TMEM187: variants seen among roughly 807,000 people sequenced by gnomAD.
The protein encoded by TMEM187 is transmembrane protein 187, also known as chromosome X open reading frame 12.
In TMEM187, 14 loss-of-function variants were observed where a neutral mutation model predicts 11.8. That is an observed-to-expected ratio of 1.18 (90% confidence interval 0.78 to 1.85). The LOEUF (loss-of-function observed/expected upper bound fraction) is 1.85. TMEM187 is among the 40% of genes most tolerant of loss of function. The pLI is 0.00. For missense variants in TMEM187, 227 were observed against 243.9 expected (o/e 0.93, Z 0.46); for synonymous variants, 112 against 118.5 (o/e 0.95, Z 0.36).
At chrX:153,976,832 C>A (rs1179156550) in intron 1 of TMEM187, among the ~76,000 whole-genome samples, 5 of 112,335 alleles carry the variant, frequency 4.5e-5, no homozygotes, top group Non-Finnish European at 9.4e-5. Context: ...CTGCACTCAG[C>A]CTGGGAGACA....
Position 153,982,113 on chromosome X carries a change from C to A in TMEM187, c.51C>A (p.Gly17=). ...QAFVHVAVAG[G]LCAVAVFTGI... is the part of the protein sequence containing the mutation. ...TCGTGCACGTGGCCGTGGCCGGTGG[C>A]CTCTGTGCCGTGGCTGTGTTCACGG... The change falls in exon 2 of 2, where the codon GGC becomes GGA. Residue 17 remains glycine, a synonymous_variant. Coordinates refer to ENST00000369982, the MANE Select transcript of TMEM187 (RefSeq NM_003492.3). 1 of 1,212,564 alleles carries A rather than the reference C, an allele frequency of 8.2e-7. No individual in the cohort carries two copies. The highest frequency in any genetic ancestry group is 1.8e-5 in the South Asian group (1 of 57,066).
At chrX:153,981,018 A>G (rs1450606929) in intron 1 of TMEM187, 5 of 109,354 alleles carry the variant, frequency 4.6e-5, no homozygotes, top group Non-Finnish European at 9.5e-5. Flanking sequence ...ACAGTCTGGC[A>G]TCAGCTGACC....
rs782426347 is a variant in TMEM187 at position 153,982,299 on chromosome X, G to T, written c.237G>T (p.Gly79=). 2.5e-6 allele frequency: 3 copies of T among 1,210,423 alleles called. No homozygotes were observed. The East Asian group carries it at 8.9e-5, about 36-fold the overall frequency. ...GGCTGCACAGGGGCGGCGCGATGGG[G>T]CTGGGTCCCCGCTACCTGAAGGACG... ...LSWLHRGGAM[G]LGPRYLKDVF... The change falls in exon 2 of 2, where the codon GGG becomes GGT. Residue 79 remains glycine (G), a synonymous_variant. Transcript: ENST00000369982.
intron 1 of TMEM187, among the ~76,000 whole-genome samples, chrX:153,977,748 TA>T (rs1161967794): frequency 1.9e-5 from 2 of 103,525 alleles, no homozygotes; most frequent in African/African-American, 3.6e-5. Flanking sequence ...CTGTCTCTAC[TA>T]AAAAAAATAC....
chrX:153,979,223 G>A (rs1438551344), intron 1 of TMEM187, among the ~76,000 whole-genome samples: 6 of 108,885 alleles, frequency 5.5e-5, no homozygotes, highest in Non-Finnish European at 1.1e-4. Context: ...ACTGCGCCTA[G>A]CTTTTTTTTT....
rs1557122743 is a variant in TMEM187 at position 153,982,522 on chromosome X, G to A, written c.460G>A (p.Gly154Ser). Residue 154 changes from glycine to serine, a missense_variant, in exon 2 of 2, where the codon GGC becomes AGC. By Grantham distance (56) the Gly-to-Ser change is moderately conservative (BLOSUM62 0). Coordinates refer to ENST00000369982, the MANE Select transcript of TMEM187 (RefSeq NM_003492.3). ...SLECVSLASY[G>S]LALLHPQGFE... ...TGAGTGCGTCTCCCTGGCCAGTTAT[G>A]GCCTCGCTCTGCTGCATCCCCAGGG... 1 of 1,206,253 alleles carries A rather than the reference G, an allele frequency of 8.3e-7. No individual in the cohort carries two copies. Among genetic ancestry groups the A allele is most frequent in the Admixed American group, 2.2e-5 (1 of 45,939 alleles).
At chrX:153,973,688 C>T (rs1428340091) in intron 1 of TMEM187, among the ~76,000 whole-genome samples, 1 of 110,320 alleles carries the variant, frequency 9.1e-6, no homozygotes. Context: ...CTCAAAAACA[C>T]ACACACACAC....
chrX:153,974,522 T>C (rs982473875), intron 1 of TMEM187, among the ~76,000 whole-genome samples: 1 of 112,450 alleles, frequency 8.9e-6, no homozygotes, highest in Non-Finnish European at 1.9e-5. Context: ...GATGGCACTT[T>C]AAGTCTGGCC....
chrX:153,973,684 AACACAC>A (rs3055213), intron 1 of TMEM187, among the ~76,000 whole-genome samples: 16 of 106,171 alleles, frequency 1.5e-4, no homozygotes, highest in East Asian at 8.9e-4. Flanking sequence ...CTGTCTCAAA[AACACAC>A]ACACACACAC....
intron 1 of TMEM187, among the ~76,000 whole-genome samples, chrX:153,974,002 C>G (rs1313797750): frequency 9.0e-6 from 1 of 111,361 alleles, no homozygotes; most frequent in African/African-American, 3.3e-5. Flanking sequence ...CCATGCCAGG[C>G]GCTGGGGGAA....
chrX:153,975,395 A>G (rs1212546840), intron 1 of TMEM187, among the ~76,000 whole-genome samples: 1 of 110,083 alleles, frequency 9.1e-6, no homozygotes, highest in African/African-American at 3.3e-5. Context: ...CAGTGGCACA[A>G]TCTTGGCTCA....
intron 1 of TMEM187, among the ~76,000 whole-genome samples, chrX:153,975,282 C>G (rs146625961): frequency 0.015 from 1,652 of 110,932 alleles, 33 homozygotes; most frequent in African/African-American, 0.051. Flanking sequence ...GAGCATTTCC[C>G]CATTTTCTTC....
At chrX:153,978,978 G>C (rs1264865837) in intron 1 of TMEM187, among the ~76,000 whole-genome samples, 2 of 111,570 alleles carry the variant, frequency 1.8e-5, no homozygotes, top group Non-Finnish European at 3.8e-5. Flanking sequence ...TGTAGAGACA[G>C]GGTTTCACCA....
intron 1 of TMEM187, among the ~76,000 whole-genome samples, chrX:153,976,539 C>A (rs891547751): frequency 2.8e-5 from 3 of 106,338 alleles, no homozygotes; most frequent in Admixed American, 1.0e-4. Flanking sequence ...TCAAAAAAAA[C>A]CAAAACCAAC....
At chrX:153,980,375 A>G (rs2065595649) in intron 1 of TMEM187, among the ~76,000 whole-genome samples, 1 of 111,160 alleles carries the variant, frequency 9.0e-6, no homozygotes, top group African/African-American at 3.3e-5. Flanking sequence ...AAAAATACCC[A>G]GGCCATGGCA....
Position 153,981,966 on chromosome X carries a change from G to T in TMEM187, c.-97G>T. 1 of 1,187,908 alleles carries T rather than the reference G, an allele frequency of 8.4e-7. No individual in the cohort carries two copies. Among genetic ancestry groups the T allele is most frequent in the Non-Finnish European group, 1.1e-6 (1 of 880,012 alleles). ...TCACGAAATCACGGGGCTTCTTTCT[G>T]CTGGCTCAGCCGGGAGGCCCAGAGT... On this transcript the variant is annotated 5_prime_UTR_variant, in exon 2 of 2. Transcript: ENST00000369982.
chrX:153,975,130 C>G (rs2065572554), intron 1 of TMEM187, among the ~76,000 whole-genome samples: 1 of 111,252 alleles, frequency 9.0e-6, no homozygotes, highest in African/African-American at 3.3e-5. Context: ...GAATCATTTG[C>G]AAATATTTTC....
rs2239471 is a variant in TMEM187, at chrX:153,983,048, A to G, written c.*200A>G. On this transcript the variant is annotated 3_prime_UTR_variant, in exon 2 of 2. Coordinates refer to ENST00000369982, the MANE Select transcript of TMEM187 (RefSeq NM_003492.3). ...CTCGACAACTTACTTTCAAAGACAT[A>G]AAGCACAGATCTCCGCACAGGGGAT... The G allele has an allele frequency of 4.5e-5, 35 of 780,120 alleles. No homozygotes were observed. In the East Asian group the frequency reaches 1.2e-3, roughly 26 times the overall value. 64.3% of individuals were successfully genotyped at this position (780,120 alleles called of 1,213,427 possible).
At position 153,983,038 on chromosome X, in the gene TMEM187, T is replaced by C. The variant is rs782554456; in HGVS notation, c.*190T>C. 3 of 864,847 alleles carry C rather than the reference T, an allele frequency of 3.5e-6. No individual in the cohort carries two copies. Among genetic ancestry groups the C allele is most frequent in the Non-Finnish European group, 3.3e-6 (2 of 610,440 alleles). The allele number at this position is 864,847 out of a possible 1,213,427, so 71.3% of individuals were successfully genotyped here. On this transcript the variant is annotated 3_prime_UTR_variant, in exon 2 of 2. Coordinates refer to ENST00000369982, the MANE Select transcript of TMEM187 (RefSeq NM_003492.3). The stretch of plus-strand genomic sequence containing the variant: ...GTGCTGTGATCTCGACAACTTACTT[T>C]CAAAGACATAAAGCACAGATCTCCG...
Sources: allele counts gnomAD v4.1 joint callset (sites outside exome capture counted in the v4.1 genomes callset), GRCh38; gene constraint gnomAD v4.1.1; transcripts MANE v1.5; gene names NCBI Gene and HGNC (gene_info 2026-07-23, HGNC 2026-07-21).